The following C12orf54 variants were observed in gnomAD, a reference collection of about 807,000 sequenced individuals.
C12orf54 encodes the protein uncharacterized protein C12orf54.
In C12orf54, 24 loss-of-function variants were observed where a neutral mutation model predicts 26.4. That is an observed-to-expected ratio of 0.91 (90% CI 0.66 to 1.28). The LOEUF is 1.28. C12orf54 is among the 50% of genes most tolerant of loss of function. The probability of loss-of-function intolerance (pLI) is 0.00; values close to 1 mark genes in which losing one functional copy is unlikely to be tolerated. For missense variants in C12orf54, 154 were observed against 150.9 expected (o/e 1.02, Z -0.11); for synonymous variants, 54 against 47.0 (o/e 1.15, Z -0.61).
At chr12:48,469,121 A>G in the C12orf54 span, among the ~76,000 whole-genome samples, 5 of 152,208 alleles carry the variant, frequency 3.3e-5, no homozygotes, top group African/African-American at 1.2e-4. Context: ...CTGAGCTCAC[A>G]TTGTCATTGA....
At chr12:48,457,385 G>A in the C12orf54 span, among the ~76,000 whole-genome samples, 1 of 152,052 alleles carries the variant, frequency 6.6e-6, no homozygotes, top group Non-Finnish European at 1.5e-5. Flanking sequence ...CCAGGCTGGA[G>A]TGTGATGTCT....
At chr12:48,451,955 G>T in the C12orf54 span, among the ~76,000 whole-genome samples, 1 of 152,114 alleles carries the variant, frequency 6.6e-6, no homozygotes, top group Admixed American at 6.5e-5. Context: ...AACTACCATT[G>T]ATATTCTTCA....
At chr12:48,492,637 T>G (rs1253264204) in intron 6 of C12orf54, among the ~76,000 whole-genome samples, 1 of 152,192 alleles carries the variant, frequency 6.6e-6, no homozygotes, top group Non-Finnish European at 1.5e-5. Context: ...ATAATGGAGA[T>G]AAGAAGTGAA....
chr12:48,456,000 C>T, the C12orf54 span, among the ~76,000 whole-genome samples: 1 of 152,180 alleles, frequency 6.6e-6, no homozygotes, highest in African/African-American at 2.4e-5. Context: ...AAGTGTTTTA[C>T]ACTGATTATC....
chr12:48,481,928 T>A (rs1954203421), upstream of C12orf54, among the ~76,000 whole-genome samples: 1 of 152,196 alleles, frequency 6.6e-6, no homozygotes, highest in African/African-American at 2.4e-5. Context: ...CTAGACATAT[T>A]GGGATATTTT....
Position 48,494,881 on chromosome 12 carries a change from G to T in C12orf54, c.326G>T (p.Arg109Leu). 1.2e-6 allele frequency: 2 copies of T among 1,612,822 alleles called. No individual in the cohort carries two copies. The highest frequency in any genetic ancestry group is 1.7e-6 in the Non-Finnish European group (2 of 1,178,782). ...TCTGGAGAGCAGCCATCAGGAGGCC[G>T]TATCCACAACCTGAAGACACAGCTC... Reference protein sequence around the residue: ...FSSGEQPSGGRIHNLKTQLFS... With the variant: ...FSSGEQPSGGLIHNLKTQLFS... Residue 109 changes from arginine to leucine, a missense_variant, in exon 8 of 9, where the codon CGT (arginine) becomes CTT (leucine). Transcript: ENST00000548364.
At chr12:48,439,878 C>T in the C12orf54 span, among the ~76,000 whole-genome samples, 1 of 151,178 alleles carries the variant, frequency 6.6e-6, no homozygotes, top group East Asian at 1.9e-4. Flanking sequence ...GCACATGTAC[C>T]CTAAAACTTA....
chr12:48,465,392 T>C, the C12orf54 span, among the ~76,000 whole-genome samples: 5 of 152,094 alleles, frequency 3.3e-5, no homozygotes, highest in African/African-American at 9.7e-5. Flanking sequence ...AGAATGACTA[T>C]TATTAAAAAG....
At chr12:48,492,837 C>G (rs1937820813) in intron 6 of C12orf54, 110 bp from the exon 7 acceptor site, 4 of 965,794 alleles carry the variant, frequency 4.1e-6, no homozygotes, top group Non-Finnish European at 6.6e-6. Context: ...CCCTTCAAGT[C>G]TGGACCCTCC....
At chr12:48,488,252 G>A (rs562651254) in intron 4 of C12orf54, 3 of 640,144 alleles carry the variant, frequency 4.7e-6, no homozygotes, top group Non-Finnish European at 8.8e-6. Flanking sequence ...AGACTGGCAG[G>A]CCTCGGCCTA....
chr12:48,485,877 T>C (rs1246813917), intron 2 of C12orf54, among the ~76,000 whole-genome samples: 3 of 152,128 alleles, frequency 2.0e-5, no homozygotes, highest in African/African-American at 7.2e-5. Flanking sequence ...GGACATAAAT[T>C]AGGCAGGCAG....
the C12orf54 span, among the ~76,000 whole-genome samples, chr12:48,436,998 T>C: frequency 1.4e-5 from 2 of 142,762 alleles, no homozygotes; most frequent in South Asian, 2.3e-4. Flanking sequence ...ACAAAATTGA[T>C]AGACTGCTAG....
intron 5 of C12orf54, among the ~76,000 whole-genome samples, chr12:48,489,914 G>A (rs748856762): frequency 6.6e-6 from 1 of 151,888 alleles, no homozygotes; most frequent in Non-Finnish European, 1.5e-5. Context: ...TAGAAATGGG[G>A]TTTCACCATG....
chr12:48,474,654 G>A, the C12orf54 span, among the ~76,000 whole-genome samples: 2 of 152,242 alleles, frequency 1.3e-5, no homozygotes, highest in Non-Finnish European at 2.9e-5. Flanking sequence ...TAGCACAGCA[G>A]TCCGAGATCA....
intron 6 of C12orf54, 79 bp downstream of exon 6, chr12:48,490,915 G>T (rs1937776476): frequency 2.6e-6 from 4 of 1,523,286 alleles, no homozygotes; most frequent in Non-Finnish European, 3.6e-6. Flanking sequence ...GTATCCATTT[G>T]CCATACAAAA....
the C12orf54 span, among the ~76,000 whole-genome samples, chr12:48,437,438 G>A: frequency 6.6e-6 from 1 of 152,034 alleles, no homozygotes; most frequent in Non-Finnish European, 1.5e-5. Flanking sequence ...GCCGGGCAGA[G>A]ACACAACAAA....
chr12:48,459,335 G>T, the C12orf54 span, among the ~76,000 whole-genome samples: 1 of 152,190 alleles, frequency 6.6e-6, no homozygotes, highest in African/African-American at 2.4e-5. Context: ...GGTAAGTGTA[G>T]CTAAATATCT....
At chr12:48,431,982 A>T in the C12orf54 span, among the ~76,000 whole-genome samples, 18 of 152,200 alleles carry the variant, frequency 1.2e-4, no homozygotes, top group Non-Finnish European at 2.6e-4. Context: ...TTATAATCTC[A>T]ATAAAGTTCT....
At chr12:48,415,556 T>A in the C12orf54 span, among the ~76,000 whole-genome samples, 14 of 152,182 alleles carry the variant, frequency 9.2e-5, no homozygotes, top group Admixed American at 2.0e-4. Flanking sequence ...GATACAAAAA[T>A]TTTATGATTT....
Sources: allele counts gnomAD v4.1 joint callset (sites outside exome capture counted in the v4.1 genomes callset), GRCh38; gene constraint gnomAD v4.1.1; transcripts MANE v1.5; gene names NCBI Gene and HGNC (gene_info 2026-07-23, HGNC 2026-07-21).